Variants in SLC4A4 observed in about 807,000 individuals in gnomAD.
SLC4A4 encodes electrogenic sodium bicarbonate cotransporter 1.
A neutral mutation model predicts 111.5 loss-of-function variants in SLC4A4; 27 were observed. That is an observed-to-expected ratio of 0.24 (90% CI 0.18 to 0.33). The LOEUF (loss-of-function observed/expected upper bound fraction) is 0.33, where lower values mean the gene tolerates loss of function less well. Ranked by LOEUF, SLC4A4 falls within the 10% of genes least tolerant of loss-of-function variation. SLC4A4 has a pLI of 1.00. For missense variants in SLC4A4, 909 were observed against 1,315.5 expected (o/e 0.69, Z 4.78); for synonymous variants, 443 against 463.4 (o/e 0.96, Z 0.57).
upstream of SLC4A4, among the ~76,000 whole-genome samples, chr4:71,182,629 G>A (rs1382806039): frequency 3.3e-5 from 5 of 152,108 alleles, no homozygotes; most frequent in East Asian, 9.6e-4. Context: ...CAATTCCCAA[G>A]GAGGCAGGAA....
chr4:71,246,984 G>T (rs187368249), intron 2 of SLC4A4, among the ~76,000 whole-genome samples: 4 of 152,066 alleles, frequency 2.6e-5, no homozygotes, highest in South Asian at 4.2e-4. Context: ...AATGAATGTC[G>T]TCCCTCTTTT....
At chr4:71,292,773 AG>A (rs1205324742) in intron 3 of SLC4A4, among the ~76,000 whole-genome samples, 1 of 152,120 alleles carries the variant, frequency 6.6e-6, no homozygotes, top group African/African-American at 2.4e-5. Context: ...GAAAGAGGAA[AG>A]AACAAATGTA....
chr4:71,081,981 C>A (rs1044408088), intron 1 of SLC4A4, among the ~76,000 whole-genome samples: 3 of 151,988 alleles, frequency 2.0e-5, no homozygotes, highest in African/African-American at 7.3e-5. Context: ...AAATTCACTG[C>A]CTTTCAACCC....
chr4:71,074,685 G>C (rs183170947), intron 1 of SLC4A4, among the ~76,000 whole-genome samples: 1 of 152,212 alleles, frequency 6.6e-6, no homozygotes, highest in Admixed American at 6.5e-5. Context: ...GGGAGGGAAA[G>C]AGGGAAGGGA....
intron 16 of SLC4A4, among the ~76,000 whole-genome samples, chr4:71,515,655 G>T (rs1050221962): frequency 7.2e-5 from 11 of 152,156 alleles, no homozygotes; most frequent in Non-Finnish European, 1.2e-4. Flanking sequence ...GTGCTCCATT[G>T]TTGGGTGCAT....
intron 4 of SLC4A4, among the ~76,000 whole-genome samples, chr4:71,344,374 T>C (rs1464304558): frequency 6.6e-6 from 1 of 152,154 alleles, no homozygotes; most frequent in Admixed American, 6.6e-5. Context: ...CAGAATGTTT[T>C]TGCAGTAATT....
chr4:71,182,749 C>G (rs906970037), upstream of SLC4A4, among the ~76,000 whole-genome samples: 1 of 152,048 alleles, frequency 6.6e-6, no homozygotes, highest in African/African-American at 2.4e-5. Flanking sequence ...CACACTCTCT[C>G]TCACATTATG....
intron 6 of SLC4A4, among the ~76,000 whole-genome samples, chr4:71,378,003 C>T (rs544008705): frequency 6.6e-6 from 1 of 152,042 alleles, no homozygotes. Flanking sequence ...AGCAGAAACC[C>T]CTGATAAACC....
intron 2 of SLC4A4, among the ~76,000 whole-genome samples, chr4:71,108,176 A>C (rs1742996402): frequency 6.6e-6 from 1 of 152,232 alleles, no homozygotes; most frequent in Non-Finnish European, 1.5e-5. Flanking sequence ...TTATGTAGAA[A>C]ACAAAATGTA....
intron 20 of SLC4A4, among the ~76,000 whole-genome samples, chr4:71,554,908 A>C (rs1331929976): frequency 6.6e-6 from 1 of 151,850 alleles, no homozygotes. Flanking sequence ...TGCTCACTAA[A>C]AAAACAAGCA....
chr4:71,278,592 A>G (rs947555739), intron 3 of SLC4A4, among the ~76,000 whole-genome samples: 1 of 152,164 alleles, frequency 6.6e-6, no homozygotes, highest in Admixed American at 6.5e-5. Context: ...TTTGCTTCAT[A>G]TCAACACCCA....
intron 1 of SLC4A4, among the ~76,000 whole-genome samples, chr4:71,214,531 G>A (rs771395133): frequency 1.4e-4 from 22 of 152,070 alleles, no homozygotes; most frequent in Admixed American, 5.2e-4. Flanking sequence ...CCTATCCTAC[G>A]TACATAAAAC....
intron 4 of SLC4A4, among the ~76,000 whole-genome samples, chr4:71,343,532 T>C (rs1271807229): frequency 6.6e-6 from 1 of 152,240 alleles, no homozygotes; most frequent in African/African-American, 2.4e-5. Context: ...AATTCCATTC[T>C]TTTAGTTCTT....
intron 3 of SLC4A4, among the ~76,000 whole-genome samples, chr4:71,306,999 A>T (rs191652977): frequency 1.3e-5 from 2 of 152,196 alleles, no homozygotes; most frequent in East Asian, 3.9e-4. Flanking sequence ...ATTTTTCTTC[A>T]CTCTTTATTA....
chr4:71,381,716 C>T (rs2148951527), intron 6 of SLC4A4, among the ~76,000 whole-genome samples: 1 of 152,214 alleles, frequency 6.6e-6, no homozygotes, highest in Non-Finnish European at 1.5e-5. Context: ...AGAGAGCTAC[C>T]AGTTAGACCT....
Position 71,292,014 on chromosome 4 carries a change from C to G in SLC4A4, c.253+36615C>G, listed in dbSNP as rs543927343. 9.9e-5 allele frequency among the ~76,000 whole-genome samples: 15 copies of G among 151,842 alleles called. No individual in the cohort carries two copies. In the South Asian group the frequency reaches 3.1e-3, roughly 32 times the overall value. On this transcript the variant is annotated intron_variant, in intron 3 of 25. Transcript: ENST00000264485. ...ATCCTTTCTTTGTGTTACAAACAAT[C>G]CAGTCATACTCTTTTAGTTATTTTA...
intron 7 of SLC4A4, among the ~76,000 whole-genome samples, chr4:71,407,969 G>C (rs112974341): frequency 5.3e-5 from 8 of 152,152 alleles, no homozygotes; most frequent in African/African-American, 1.9e-4. Flanking sequence ...ACTATAGATA[G>C]GGTCAACTCT....
At chr4:71,507,401 T>G (rs573151187) in intron 16 of SLC4A4, among the ~76,000 whole-genome samples, 3 of 151,906 alleles carry the variant, frequency 2.0e-5, no homozygotes, top group Admixed American at 1.3e-4. Context: ...TGGAGGAAAA[T>G]TTACCAAACA....
chr4:71,203,093 T>A (rs530770822), intron 1 of SLC4A4, among the ~76,000 whole-genome samples: 1 of 152,210 alleles, frequency 6.6e-6, no homozygotes, highest in South Asian at 2.1e-4. Flanking sequence ...GATAAAAGAT[T>A]TGAGGTAGAC....
Sources: gnomAD v4.1 joint callset for allele counts (sites outside exome capture counted in the v4.1 genomes callset) on GRCh38, gnomAD v4.1.1 for gene constraint, MANE v1.5 for transcripts, NCBI Gene and HGNC (gene_info 2026-07-23, HGNC 2026-07-21) for gene names.